Variants in KITLG observed in about 807,000 individuals in gnomAD.
KITLG encodes c-Kit ligand.
Under a neutral mutation model 34.1 loss-of-function variants are expected in KITLG, and 13 were observed. That is an observed-to-expected ratio of 0.38 (90% CI 0.25 to 0.61). The LOEUF (loss-of-function observed/expected upper bound fraction) is 0.61, where lower values mean the gene tolerates loss of function less well. Ranked by LOEUF, KITLG falls within the 20% of genes least tolerant of loss-of-function variation. The pLI is 0.60. For missense variants in KITLG, 292 were observed against 318.9 expected (o/e 0.92, Z 0.64); for synonymous variants, 110 against 104.0 (o/e 1.06, Z -0.35).
At chr12:88,559,401 C>A (rs1415299490) in intron 1 of KITLG, among the ~76,000 whole-genome samples, 1 of 152,208 alleles carries the variant, frequency 6.6e-6, no homozygotes, top group African/African-American at 2.4e-5. Context: ...GCTTTCTGCA[C>A]TGGCCGCAAC....
chr12:88,534,841 A>G (rs1870249674), intron 2 of KITLG: 2 of 355,904 alleles, frequency 5.6e-6, no homozygotes, highest in Non-Finnish European at 1.1e-5. Flanking sequence ...CTTTGAAAGG[A>G]AAAAGCGTCT....
chr12:88,508,209 T>A (rs1005400225), intron 6 of KITLG, among the ~76,000 whole-genome samples: 4 of 150,596 alleles, frequency 2.7e-5, no homozygotes, highest in Non-Finnish European at 4.4e-5. Context: ...AGGAGCAGAA[T>A]GATTCACGAA....
intron 1 of KITLG, among the ~76,000 whole-genome samples, chr12:88,556,608 G>T (rs1269289906): frequency 2.6e-5 from 4 of 152,206 alleles, no homozygotes; most frequent in Non-Finnish European, 5.9e-5. Flanking sequence ...TGACTTCCAG[G>T]TTCCAGTTTG....
intron 6 of KITLG, among the ~76,000 whole-genome samples, chr12:88,509,088 G>C (rs1416727302): frequency 6.6e-6 from 1 of 152,040 alleles, no homozygotes; most frequent in Non-Finnish European, 1.5e-5. Flanking sequence ...AGATTTACTA[G>C]GTAACCTCCT....
chr12:88,500,867 C>T (rs759155410), intron 9 of KITLG, among the ~76,000 whole-genome samples: 8 of 152,164 alleles, frequency 5.3e-5, no homozygotes, highest in Non-Finnish European at 7.3e-5. Context: ...ACAGCCTCAA[C>T]CTCTCGGGCT....
intron 9 of KITLG, among the ~76,000 whole-genome samples, chr12:88,502,907 G>GAAA (rs11412362): frequency 1.3e-5 from 2 of 149,448 alleles, no homozygotes; most frequent in African/African-American, 2.5e-5. Flanking sequence ...GAAAAGGAAG[G>GAAA]AAAAAAAAAA....
intron 1 of KITLG, among the ~76,000 whole-genome samples, chr12:88,568,934 A>G (rs1287658211): frequency 6.6e-6 from 1 of 152,202 alleles, no homozygotes; most frequent in Non-Finnish European, 1.5e-5. Flanking sequence ...AGGAAAGATA[A>G]ATAAATTGCC....
chr12:88,574,199 G>C (rs1318286473), intron 1 of KITLG, among the ~76,000 whole-genome samples: 1 of 151,348 alleles, frequency 6.6e-6, no homozygotes, highest in Non-Finnish European at 1.5e-5. Flanking sequence ...TCTGAGAAAT[G>C]TGTGTTCTCC....
intron 3 of KITLG, among the ~76,000 whole-genome samples, chr12:88,531,094 C>T (rs1344930733): frequency 6.6e-6 from 1 of 152,134 alleles, no homozygotes; most frequent in African/African-American, 2.4e-5. Context: ...CATAAAACAA[C>T]TTGTCAAAGC....
chr12:88,527,069 T>C (rs1291790586), intron 3 of KITLG, among the ~76,000 whole-genome samples: 1 of 151,840 alleles, frequency 6.6e-6, no homozygotes, highest in African/African-American at 2.4e-5. Flanking sequence ...GGGGTTTCAC[T>C]GTGTTAACCA....
At chr12:88,509,270 C>T (rs1869185688) in intron 6 of KITLG, among the ~76,000 whole-genome samples, 1 of 152,206 alleles carries the variant, frequency 6.6e-6, no homozygotes, top group African/African-American at 2.4e-5. Context: ...CCATGTTCTT[C>T]TTGTTCTATA....
At chr12:88,554,015 T>C (rs767934097) in intron 1 of KITLG, among the ~76,000 whole-genome samples, 1 of 152,190 alleles carries the variant, frequency 6.6e-6, no homozygotes, top group Non-Finnish European at 1.5e-5. Context: ...CAGTGGACTA[T>C]TCACTCAATA....
At chr12:88,549,880 T>C (rs1005335682) in intron 1 of KITLG, among the ~76,000 whole-genome samples, 1 of 150,802 alleles carries the variant, frequency 6.6e-6, no homozygotes, top group Non-Finnish European at 1.5e-5. Flanking sequence ...CACAAAAGAG[T>C]CCAAGAGAGC....
chr12:88,551,184 A>G (rs1285357836), intron 1 of KITLG, among the ~76,000 whole-genome samples: 1 of 152,226 alleles, frequency 6.6e-6, no homozygotes, highest in East Asian at 1.9e-4. Context: ...ACCATTAAAA[A>G]TATCCACCTT....
chr12:88,501,173 C>T (rs952032465), intron 9 of KITLG, among the ~76,000 whole-genome samples: 7 of 152,072 alleles, frequency 4.6e-5, no homozygotes, highest in African/African-American at 1.7e-4. Context: ...TTAAACCCTC[C>T]TTCTTTTCAT....
intron 3 of KITLG, among the ~76,000 whole-genome samples, chr12:88,526,261 GA>G (rs1432015803): frequency 6.6e-6 from 1 of 152,102 alleles, no homozygotes; most frequent in East Asian, 1.9e-4. Context: ...AAGAAGCTGT[GA>G]TTCCCCAAAA....
chr12:88,516,594 C>G, intron 4 of KITLG, 104 bp from the exon 5 acceptor site: 1 of 707,528 alleles, frequency 1.4e-6, no homozygotes, highest in Admixed American at 2.8e-5. Context: ...AGTATTTAGA[C>G]TCTTACAACT....
At chr12:88,536,112 A>G (rs960409553) in intron 2 of KITLG, among the ~76,000 whole-genome samples, 3 of 152,146 alleles carry the variant, frequency 2.0e-5, no homozygotes, top group Non-Finnish European at 4.4e-5. Flanking sequence ...GAGTAAATAG[A>G]CAACCTACAG....
intron 2 of KITLG, among the ~76,000 whole-genome samples, chr12:88,537,524 T>C (rs1870370178): frequency 1.3e-5 from 2 of 151,934 alleles, no homozygotes; most frequent in Non-Finnish European, 2.9e-5. Flanking sequence ...TTGGGTACCA[T>C]GTTCACTACC....
Sources: allele counts gnomAD v4.1 joint callset (sites outside exome capture counted in the v4.1 genomes callset), GRCh38; gene constraint gnomAD v4.1.1; transcripts MANE v1.5; gene names NCBI Gene and HGNC (gene_info 2026-07-23, HGNC 2026-07-21).